The following TACC2 variants were observed in gnomAD, a reference collection of about 807,000 sequenced individuals.
TACC2 encodes transforming acidic coiled-coil containing protein 2.
TACC2 carries 137 observed loss-of-function variants against 227.3 expected under a neutral mutation model. The observed-to-expected ratio is 0.60, with a 90% confidence interval of 0.52 to 0.69. The LOEUF (loss-of-function observed/expected upper bound fraction) is 0.69. TACC2 is among the 30% of genes least tolerant of loss of function. TACC2 has a pLI of 0.00. For missense variants in TACC2, 3,470 were observed against 3,694.4 expected (o/e 0.94, Z 1.57); for synonymous variants, 1,523 against 1,487.5 (o/e 1.02, Z -0.55).
At chr10:122,055,205 G>A (rs1295214594) in intron 3 of TACC2, among the ~76,000 whole-genome samples, 2 of 151,630 alleles carry the variant, frequency 1.3e-5, no homozygotes, top group Non-Finnish European at 2.9e-5. Flanking sequence ...GGGTGACAGA[G>A]CAAGACGCCG....
intron 1 of TACC2, among the ~76,000 whole-genome samples, chr10:122,007,114 G>A (rs1034455093): frequency 1.8e-4 from 28 of 151,994 alleles, no homozygotes; most frequent in African/African-American, 5.5e-4. Flanking sequence ...TGCCAACCTC[G>A]GCCTCCCAAA....
chr10:122,081,126 A>G (rs2079428612), intron 3 of TACC2, among the ~76,000 whole-genome samples: 1 of 151,974 alleles, frequency 6.6e-6, no homozygotes, highest in South Asian at 2.1e-4. Flanking sequence ...ATTCACTAGA[A>G]CTCTGAAAGT....
chr10:122,014,428 G>C (rs12774455), intron 1 of TACC2, among the ~76,000 whole-genome samples: 68,872 of 151,446 alleles, frequency 0.45, 15,751 homozygotes, highest in South Asian at 0.6. Flanking sequence ...CCAGGCTGGT[G>C]TTGAACTCCT....
At chr10:122,064,946 C>T (rs2077228936) in intron 3 of TACC2, among the ~76,000 whole-genome samples, 1 of 152,122 alleles carries the variant, frequency 6.6e-6, no homozygotes, top group African/African-American at 2.4e-5. Context: ...CCAGTCAATA[C>T]CCCTGCCCAA....
intron 1 of TACC2, among the ~76,000 whole-genome samples, chr10:121,995,909 A>G (rs1953416632): frequency 6.6e-6 from 1 of 152,092 alleles, no homozygotes; most frequent in Non-Finnish European, 1.5e-5. Flanking sequence ...GCGTGCCACC[A>G]TGCCCAGCTA....
chr10:122,144,700 G>T (rs1251643005), intron 7 of TACC2, among the ~76,000 whole-genome samples: 1 of 152,172 alleles, frequency 6.6e-6, no homozygotes, highest in Non-Finnish European at 1.5e-5. Flanking sequence ...AGAATACCGG[G>T]TAACAGTAGG....
chr10:122,056,091 C>T lies in TACC2; in HGVS notation c.146+5541C>T, dbSNP rs577868675. Among the ~76,000 whole-genome samples, 4 of 152,368 alleles carry T rather than the reference C, an allele frequency of 2.6e-5. No individual in the cohort carries two copies. In the South Asian group the frequency reaches 8.3e-4, roughly 32 times the overall value. ...GTGGGCACCAAGATCACCTGCAAGG[C>T]AGATTAAGACAGATTTCTAGGCTTC... On this transcript the variant is annotated intron_variant, in intron 3 of 22. Transcript: ENST00000369005.
At chr10:122,026,313 C>CA (rs71022883) in intron 2 of TACC2, among the ~76,000 whole-genome samples, 13,684 of 70,966 alleles carry the variant, frequency 0.19, 1,793 homozygotes, top group African/African-American at 0.25. Context: ...GACTCTGTCT[C>CA]AAAAAAAAAA....
At chr10:122,033,703 C>G (rs1959222260) in intron 2 of TACC2, among the ~76,000 whole-genome samples, 1 of 152,188 alleles carries the variant, frequency 6.6e-6, no homozygotes, top group Admixed American at 6.5e-5. Flanking sequence ...TGCGTCACCT[C>G]ACAGTGCTTT....
In TACC2 at chr10:122,087,265, G is replaced by A. The variant is rs77475605; in HGVS notation, c.4765G>A (p.Val1589Met). The A allele has an allele frequency of 2.6e-4, 424 of 1,613,800 alleles. 4 individuals carry two copies. The East Asian group carries it at 8.8e-3, about 33-fold the overall frequency. The change falls in exon 4 of 23, where the codon GTG (valine) becomes ATG (methionine). Residue 1589 changes from valine (V) to methionine (M), a missense_variant. Transcript: ENST00000369005. ...VAPHSHGEEA[V>M]AQDRIPSGKQ... ...TCCCCATAGCCATGGAGAAGAGGCC[G>A]TGGCCCAAGACAGAATTCCTTCTGG...
intron 1 of TACC2, among the ~76,000 whole-genome samples, chr10:121,991,629 A>G (rs1953030753): frequency 6.6e-6 from 1 of 152,236 alleles, no homozygotes; most frequent in Admixed American, 6.5e-5. Flanking sequence ...GTATGGTGGC[A>G]CCATCTCAGC....
chr10:122,215,399 T>C lies in TACC2; in HGVS notation c.7292T>C (p.Phe2431Ser). ...TTCCATTTTGTTTCCAGTGACACAT[T>C]TAGGGTGAAAAAGTCGCCAAAACGG... is the stretch of plus-strand genomic sequence containing the variant. ...KKKTPLKTDT[F>S]RVKKSPKRSP... The change falls in exon 10 of 23, where the codon TTT (phenylalanine) becomes TCT (serine). Residue 2431 changes from phenylalanine (F) to serine (S), a missense_variant. By Grantham distance (155) the Phe-to-Ser change is radical (BLOSUM62 -2). Coordinates refer to ENST00000369005, the MANE Select transcript of TACC2 (RefSeq NM_206862.4). 6.2e-7 allele frequency: 1 copy of C among 1,613,828 alleles called. No individual in the cohort carries two copies. The highest frequency in any genetic ancestry group is 8.5e-7 in the Non-Finnish European group (1 of 1,179,820).
chr10:122,081,202 A>G (rs1318579695), intron 3 of TACC2, among the ~76,000 whole-genome samples: 1 of 151,976 alleles, frequency 6.6e-6, no homozygotes, highest in Non-Finnish European at 1.5e-5. Context: ...TGTGTTGGCC[A>G]CATATTATTT....
intron 17 of TACC2, 100 bp downstream of exon 17, chr10:122,237,638 C>A: frequency 7.0e-7 from 1 of 1,419,460 alleles, no homozygotes; most frequent in Non-Finnish European, 9.5e-7. Flanking sequence ...ACTTTGTCCT[C>A]TGAACGCTGC....
rs1422408795 is a variant in TACC2, at chr10:122,180,759, G to T, written c.5835-14281G>T. Among the ~76,000 whole-genome samples the T allele has an allele frequency of 1.3e-5, 2 of 151,752 alleles. No homozygotes were observed. The highest frequency in any genetic ancestry group is 2.9e-5 in the Non-Finnish European group (2 of 67,952). On this transcript the variant is annotated intron_variant, in intron 7 of 22. Coordinates refer to ENST00000369005, the MANE Select transcript of TACC2 (RefSeq NM_206862.4). This position sits in a 1 kb window ranked among gnomAD's most constrained non-coding sequence, Gnocchi z 4.5. ...TTTTATTTTTTATTTTTTTTGAGACGGAGTCTCGCTCTGTTGCCGAGGCTG... is the reference window on the plus strand; with the variant it reads ...TTTTATTTTTTATTTTTTTTGAGACTGAGTCTCGCTCTGTTGCCGAGGCTG...
At chr10:122,107,878 A>ATTTTTTTTTTTTTTTTTTTTT (rs1204393563) in intron 5 of TACC2, among the ~76,000 whole-genome samples, 2 of 88,450 alleles carry the variant, frequency 2.3e-5, no homozygotes, top group Non-Finnish European at 4.2e-5. Context: ...ATATATATAT[A>ATTTTTTTTTTTTTTTTTTTTT]TATTTTTTTT....
At chr10:122,089,612 G>A (rs1191141089) in intron 5 of TACC2, among the ~76,000 whole-genome samples, 1 of 152,192 alleles carries the variant, frequency 6.6e-6, no homozygotes, top group Non-Finnish European at 1.5e-5. Flanking sequence ...CGCCTCCCTA[G>A]GCCTTTGGCT....
At chr10:122,076,530 A>G (rs2078829525) in intron 3 of TACC2, among the ~76,000 whole-genome samples, 1 of 152,318 alleles carries the variant, frequency 6.6e-6, no homozygotes, top group Middle Eastern at 3.4e-3. Flanking sequence ...TATGTTAGGA[A>G]ATCTTCTAAT....
chr10:122,032,406 G>A (rs1374544666), intron 2 of TACC2, among the ~76,000 whole-genome samples: 2 of 152,124 alleles, frequency 1.3e-5, no homozygotes, highest in African/African-American at 4.8e-5. Context: ...TGCACTTGGA[G>A]GTCCCTGAAT....
Sources: allele counts gnomAD v4.1 joint callset (sites outside exome capture counted in the v4.1 genomes callset), GRCh38; gene constraint gnomAD v4.1.1; non-coding constraint Gnocchi (gnomAD v3.1); transcripts MANE v1.5; gene names NCBI Gene and HGNC (gene_info 2026-07-23, HGNC 2026-07-21).